Variants in FHIT observed in about 807,000 individuals in gnomAD.
FHIT encodes bis(5'-adenosyl)-triphosphatase.
Under a neutral mutation model 17.9 loss-of-function variants are expected in FHIT, and 19 were observed. That is an observed-to-expected ratio of 1.06 (90% CI 0.74 to 1.56). FHIT has a LOEUF of 1.56. Among genes scored for constraint, FHIT ranks in the 40% most tolerant of loss-of-function variants. The pLI, the probability that FHIT is intolerant of heterozygous loss-of-function variation, is 0.00. For synonymous variants in FHIT, 81 were observed against 69.7 expected, an observed-to-expected ratio of 1.16 and a Z score of -0.81; for missense variants, 248 against 189.2, an observed-to-expected ratio of 1.31 and a Z score of -1.82.
intron 3 of FHIT, among the ~76,000 whole-genome samples, chr3:61,021,578 G>A (rs1206171788): frequency 3.4e-5 from 4 of 116,992 alleles, no homozygotes; most frequent in South Asian, 2.9e-4. Context: ...CAGCCTGGGC[G>A]ACAGAGCGAG....
chr3:60,747,581 G>C (rs2042384021), intron 4 of FHIT, among the ~76,000 whole-genome samples: 1 of 152,156 alleles, frequency 6.6e-6, no homozygotes, highest in South Asian at 2.1e-4. Flanking sequence ...ACACAGCACA[G>C]GGCAATATGA....
intron 8 of FHIT, 117 bp from the exon 9 acceptor site, chr3:59,752,438 A>ATCTT (rs1700967654): frequency 4.8e-6 from 3 of 620,518 alleles, no homozygotes; most frequent in Admixed American, 2.9e-5. Flanking sequence ...CAGTAGGTGT[A>ATCTT]TCTTTTAATT....
At chr3:60,786,066 G>C (rs1025514177) in intron 4 of FHIT, among the ~76,000 whole-genome samples, 4 of 152,170 alleles carry the variant, frequency 2.6e-5, no homozygotes, top group Admixed American at 1.3e-4. Flanking sequence ...GTGTGAATTA[G>C]TATTGAAATC....
chr3:60,980,994 G>T (rs548097915), intron 3 of FHIT, among the ~76,000 whole-genome samples: 160 of 152,236 alleles, frequency 1.1e-3, no homozygotes, highest in African/African-American at 3.8e-3. Flanking sequence ...TCTGCTGAGG[G>T]CCTCCCTCTT....
chr3:61,021,618 AAAAG>A (rs2032441247), intron 3 of FHIT, among the ~76,000 whole-genome samples: 1 of 150,672 alleles, frequency 6.6e-6, no homozygotes, highest in Admixed American at 6.6e-5. Context: ...AAAAAAAAAA[AAAAG>A]AACAGAAATC....
Position 59,757,606 on chromosome 3 carries a change from C to T in FHIT, c.349-5285G>A, listed in dbSNP as rs149534494. ...TTTAAATGTTTTTCAGAATTTGGAACGAACCTGGAGTAAAATGCCAAATTG... is the reference window on the plus strand; with the variant it reads ...TTTAAATGTTTTTCAGAATTTGGAATGAACCTGGAGTAAAATGCCAAATTG... On this transcript the variant is annotated intron_variant, in intron 8 of 9. Coordinates refer to ENST00000492590, the MANE Select transcript of FHIT (RefSeq NM_002012.4). 5.9e-5 allele frequency among the ~76,000 whole-genome samples: 9 copies of T among 152,246 alleles called. No homozygotes were observed. The East Asian group carries it at 1.4e-3, about 23-fold the overall frequency.
intron 4 of FHIT, among the ~76,000 whole-genome samples, chr3:60,783,153 T>G (rs1575518931): frequency 2.5e-5 from 1 of 39,834 alleles, no homozygotes; most frequent in South Asian, 1.7e-3. Flanking sequence ...AATTTTTGCA[T>G]TTTTTTTTTT....
intron 4 of FHIT, among the ~76,000 whole-genome samples, chr3:60,753,084 A>C (rs1381071468): frequency 6.6e-6 from 1 of 152,210 alleles, no homozygotes; most frequent in Non-Finnish European, 1.5e-5. Context: ...AAATTCAGAC[A>C]TAAACTCTGG....
intron 7 of FHIT, among the ~76,000 whole-genome samples, chr3:59,950,921 T>G (rs566155785): frequency 3.0e-4 from 45 of 152,338 alleles, no homozygotes; most frequent in Admixed American, 5.9e-4. Flanking sequence ...AGTATTAGGA[T>G]GAACCACATG....
intron 5 of FHIT, among the ~76,000 whole-genome samples, chr3:60,202,317 A>T (rs953775264): frequency 1.3e-5 from 2 of 152,210 alleles, no homozygotes; most frequent in African/African-American, 4.8e-5. Flanking sequence ...TGCTATTAAC[A>T]TGGAAGTATT....
intron 5 of FHIT, among the ~76,000 whole-genome samples, chr3:60,122,013 G>A (rs1705279924): frequency 6.6e-6 from 1 of 151,728 alleles, no homozygotes; most frequent in Non-Finnish European, 1.5e-5. Flanking sequence ...AGTATTGTGA[G>A]AAATATGAAA....
In FHIT at chr3:60,058,175, C is replaced by A. The variant is rs1290178294; in HGVS notation, c.104-44023G>T. ...TTTTTTTTTGAGACAGAGTCTCGCT[C>A]TGTCACCAGGCTGGAGTGCAGTGGC... On this transcript the variant is annotated intron_variant, in intron 5 of 9. Coordinates refer to ENST00000492590, the MANE Select transcript of FHIT (RefSeq NM_002012.4). 7.9e-5 allele frequency among the ~76,000 whole-genome samples: 9 copies of A among 113,932 alleles called. No homozygotes were observed. The South Asian group carries it at 2.5e-3, about 32-fold the overall frequency. 74.7% of individuals were successfully genotyped at this position (113,932 alleles called of 152,430 possible).
chr3:60,684,095 T>C (rs2107868642), intron 4 of FHIT, among the ~76,000 whole-genome samples: 1 of 152,192 alleles, frequency 6.6e-6, no homozygotes, highest in Admixed American at 6.5e-5. Flanking sequence ...GTGGCTGCAA[T>C]AAAAAATAAC....
intron 8 of FHIT, among the ~76,000 whole-genome samples, chr3:59,854,788 T>C (rs1288088062): frequency 6.9e-6 from 1 of 145,968 alleles, no homozygotes; most frequent in Non-Finnish European, 1.5e-5. Flanking sequence ...CTAAATAACT[T>C]TCTCATTAAG....
At chr3:60,078,565 A>C (rs966552119) in intron 5 of FHIT, among the ~76,000 whole-genome samples, 1 of 152,184 alleles carries the variant, frequency 6.6e-6, no homozygotes, top group Non-Finnish European at 1.5e-5. Flanking sequence ...CCTGGAATGG[A>C]TCCTGGACCC....
intron 8 of FHIT, among the ~76,000 whole-genome samples, chr3:59,824,643 G>T (rs997050785): frequency 6.6e-6 from 1 of 152,186 alleles, no homozygotes; most frequent in African/African-American, 2.4e-5. Flanking sequence ...ATTTAGCCTG[G>T]ATGAAACTTG....
intron 5 of FHIT, among the ~76,000 whole-genome samples, chr3:60,413,897 TA>T (rs971924822): frequency 3.3e-5 from 5 of 152,212 alleles, no homozygotes; most frequent in African/African-American, 1.2e-4. Context: ...TGCTACATGT[TA>T]GGGGATATAT....
chr3:60,531,149 G>A (rs372160106), intron 5 of FHIT, among the ~76,000 whole-genome samples: 20 of 152,028 alleles, frequency 1.3e-4, no homozygotes, highest in African/African-American at 4.8e-4. Flanking sequence ...CAACAAGCAT[G>A]CACAGAGCAA....
chr3:60,043,150 T>A (rs765557160), intron 5 of FHIT, among the ~76,000 whole-genome samples: 2 of 152,192 alleles, frequency 1.3e-5, no homozygotes, highest in Non-Finnish European at 2.9e-5. Flanking sequence ...GCTGGACAGT[T>A]AAAAGCAGCA....
Sources: allele counts gnomAD v4.1 joint callset (sites outside exome capture counted in the v4.1 genomes callset), GRCh38; gene constraint gnomAD v4.1.1; transcripts MANE v1.5; gene names NCBI Gene and HGNC (gene_info 2026-07-23, HGNC 2026-07-21).